SNX29: variants seen among roughly 807,000 people sequenced by gnomAD.
The protein encoded by SNX29 is sorting nexin 29.
SNX29 carries 78 observed loss-of-function variants against 102.1 expected under a neutral mutation model. The observed-to-expected ratio is 0.76, with a 90% CI of 0.64 to 0.92. The LOEUF (loss-of-function observed/expected upper bound fraction) is 0.92, where lower values mean the gene tolerates loss of function less well. Ranked by LOEUF, SNX29 falls within the 40% of genes least tolerant of loss-of-function variation. The pLI, the probability that SNX29 is intolerant of heterozygous loss-of-function variation, is 0.00. For synonymous variants in SNX29, 580 were observed against 414.5 expected, an observed-to-expected ratio of 1.40 and a Z score of -4.85; for missense variants, 1,280 against 1,061.7, an observed-to-expected ratio of 1.21 and a Z score of -2.86.
chr16:12,148,552 T>C (rs1278309403), intron 13 of SNX29, among the ~76,000 whole-genome samples: 2 of 152,234 alleles, frequency 1.3e-5, no homozygotes, highest in African/African-American at 4.8e-5. Context: ...CCTGCATGAT[T>C]AGTCCCTCTT....
intron 18 of SNX29, among the ~76,000 whole-genome samples, chr16:12,450,253 A>G (rs1810093186): frequency 1.3e-5 from 2 of 152,134 alleles, no homozygotes; most frequent in African/African-American, 2.4e-5. Flanking sequence ...TACAATTCCC[A>G]TGATATATGG....
At chr16:12,278,734 G>T (rs1447883961) in intron 15 of SNX29, among the ~76,000 whole-genome samples, 1 of 152,190 alleles carries the variant, frequency 6.6e-6, no homozygotes, top group Non-Finnish European at 1.5e-5. Flanking sequence ...AGAATCATTT[G>T]TGTATAAGAT....
intron 8 of SNX29, among the ~76,000 whole-genome samples, chr16:12,056,952 GC>G (rs2050545939): frequency 7.8e-6 from 1 of 128,530 alleles, no homozygotes; most frequent in South Asian, 2.3e-4. Context: ...CTCCTGAGTA[GC>G]TAGGACTATA....
chr16:12,170,590 C>G (rs2076125421), intron 13 of SNX29, among the ~76,000 whole-genome samples: 2 of 151,862 alleles, frequency 1.3e-5, no homozygotes, highest in Admixed American at 1.3e-4. Context: ...GAAGAATGCT[C>G]TGACATGGGA....
intron 4 of SNX29, among the ~76,000 whole-genome samples, chr16:12,040,583 C>G (rs1324207375): frequency 1.3e-5 from 2 of 152,060 alleles, no homozygotes; most frequent in African/African-American, 2.4e-5. Flanking sequence ...TCGTAAGGAA[C>G]TAGGAATGAG....
intron 13 of SNX29, among the ~76,000 whole-genome samples, chr16:12,155,343 C>G (rs374034763): frequency 6.6e-6 from 1 of 152,100 alleles, no homozygotes; most frequent in East Asian, 1.9e-4. Flanking sequence ...GAAGAACAGG[C>G]GCAATTTAGC....
At chr16:12,535,703 C>T (rs1406812408) in intron 20 of SNX29, among the ~76,000 whole-genome samples, 1 of 152,106 alleles carries the variant, frequency 6.6e-6, no homozygotes, top group Admixed American at 6.5e-5. Context: ...ACTGTGGGTC[C>T]TCTGTGCCCC....
At chr16:12,163,427 G>T (rs1325434449) in intron 13 of SNX29, among the ~76,000 whole-genome samples, 3 of 152,180 alleles carry the variant, frequency 2.0e-5, no homozygotes, top group African/African-American at 4.8e-5. Context: ...TGTTGAGGGT[G>T]ACTGGAGAGG....
chr16:12,562,672 T>C (rs12935414), intron 20 of SNX29, among the ~76,000 whole-genome samples: 39,649 of 152,008 alleles, frequency 0.26, 5,750 homozygotes, highest in East Asian at 0.44. Flanking sequence ...AAAGTCTAGA[T>C]TTACAGGCAC....
At chr16:12,272,881 G>GT (rs1322664646) in intron 14 of SNX29, among the ~76,000 whole-genome samples, 3 of 152,062 alleles carry the variant, frequency 2.0e-5, no homozygotes, top group African/African-American at 7.2e-5. Context: ...TCTCATCGTG[G>GT]AAGAGGAAGG....
chr16:12,518,315 A>G (rs78775214), intron 19 of SNX29, among the ~76,000 whole-genome samples: 4,681 of 152,184 alleles, frequency 0.031, 248 homozygotes, highest in African/African-American at 0.11. Flanking sequence ...ACTGCTGCTC[A>G]CACTGCAGTC....
intron 18 of SNX29, among the ~76,000 whole-genome samples, chr16:12,455,872 C>A (rs899629938): frequency 3.3e-5 from 5 of 152,120 alleles, no homozygotes; most frequent in African/African-American, 1.2e-4. Context: ...CCTTCTCTTC[C>A]TTCCATTTAT....
At chr16:12,557,797 A>T (rs968396530) in intron 20 of SNX29, 2 of 152,214 alleles carry the variant, frequency 1.3e-5, no homozygotes, top group African/African-American at 4.8e-5. Flanking sequence ...ATCTTACAGG[A>T]TCACTATCAT....
intron 19 of SNX29, among the ~76,000 whole-genome samples, chr16:12,497,125 A>C (rs1342977011): frequency 6.6e-6 from 1 of 152,226 alleles, no homozygotes; most frequent in East Asian, 1.9e-4. Context: ...CAATGACTTC[A>C]GAGGACTGAA....
intron 14 of SNX29, among the ~76,000 whole-genome samples, chr16:12,232,657 G>A (rs1006839792): frequency 6.6e-6 from 1 of 152,210 alleles, no homozygotes; most frequent in Non-Finnish European, 1.5e-5. Flanking sequence ...TCATGAGAGT[G>A]TGATTCTCCC....
chr16:12,428,881 A>C (rs1233373377), intron 18 of SNX29, among the ~76,000 whole-genome samples: 1 of 152,254 alleles, frequency 6.6e-6, no homozygotes, highest in South Asian at 2.1e-4. Flanking sequence ...CACCACACAG[A>C]TACGATTGCA....
intron 14 of SNX29, among the ~76,000 whole-genome samples, chr16:12,258,840 C>T (rs1261416308): frequency 6.6e-6 from 1 of 152,082 alleles, no homozygotes; most frequent in Non-Finnish European, 1.5e-5. Context: ...TATTTTTTAT[C>T]TAATATATAA....
intron 20 of SNX29, among the ~76,000 whole-genome samples, chr16:12,541,225 A>G (rs1362410065): frequency 1.3e-5 from 2 of 152,148 alleles, no homozygotes; most frequent in African/African-American, 4.8e-5. Flanking sequence ...CATGGAGAGA[A>G]GGACTATGGA....
intron 14 of SNX29, among the ~76,000 whole-genome samples, chr16:12,219,940 G>T (rs574279938): frequency 1.3e-5 from 2 of 151,648 alleles, no homozygotes; most frequent in African/African-American, 4.9e-5. Context: ...GTACACACAC[G>T]TGCACGTGCA....
Sources: gnomAD v4.1 joint callset for allele counts (sites outside exome capture counted in the v4.1 genomes callset) on GRCh38, gnomAD v4.1.1 for gene constraint, MANE v1.5 for transcripts, NCBI Gene and HGNC (gene_info 2026-07-23, HGNC 2026-07-21) for gene names.